Variants in PCDHGA9 observed in about 807,000 individuals in gnomAD.
The protein encoded by PCDHGA9 is protocadherin gamma subfamily A, 9, also known as protocadherin gamma-A9.
Under a neutral mutation model 62.5 loss-of-function variants are expected in PCDHGA9, and 37 were observed. The ratio of observed to expected loss-of-function variants is 0.59; its 90% confidence interval spans 0.46 to 0.78. The LOEUF (loss-of-function observed/expected upper bound fraction) is 0.78. Ranked by LOEUF, PCDHGA9 falls within the 30% of genes least tolerant of loss-of-function variation. PCDHGA9 has a pLI of 0.00. For missense variants in PCDHGA9, 1,138 were observed against 1,166.2 expected, an observed-to-expected ratio of 0.98 and a Z score of 0.35; for synonymous variants, 459 against 484.6, an observed-to-expected ratio of 0.95 and a Z score of 0.69.
chr5:141,481,871 G>T (rs372191396), intron 1 of PCDHGA9, among the ~76,000 whole-genome samples: 1 of 144,788 alleles, frequency 6.9e-6, no homozygotes, highest in Non-Finnish European at 1.5e-5. Context: ...CCGAGATCGC[G>T]CCACTGCACT....
Position 141,431,612 on chromosome 5 carries a change from G to T in PCDHGA9, c.2424+26236G>T, listed in dbSNP as rs79883194. 6.2e-7 allele frequency: 1 copy of T among 1,614,244 alleles called. No homozygotes were observed. The highest frequency in any genetic ancestry group is 2.2e-5 in the East Asian group (1 of 44,880). Reference sequence around the variant, plus strand: ...AGTGAGGTATTCCTTCCGGTATGTGGACGACAAGGCGGCCCAAGTTTTCAA... The same window carrying T: ...AGTGAGGTATTCCTTCCGGTATGTGTACGACAAGGCGGCCCAAGTTTTCAA... On this transcript the variant is annotated intron_variant, in intron 1 of 3. Transcript: ENST00000573521. The surrounding 1 kb of genome is among the most constrained non-coding windows in gnomAD (Gnocchi z 4.8).
chr5:141,431,008 C>T lies in PCDHGA9; in HGVS notation c.2424+25632C>T. The T allele has an allele frequency of 6.2e-7, 1 of 1,614,118 alleles. No individual in the cohort carries two copies. The highest frequency in any genetic ancestry group is 1.1e-5 in the South Asian group (1 of 91,076). ...TCGCCCTGAATCCGCGCAGCGGCAG[C>T]TTGGTCACGGCGGGCAGGATAGACC... On this transcript the variant is annotated intron_variant, in intron 1 of 3. Transcript: ENST00000573521. This position sits in a 1 kb window ranked among gnomAD's most constrained non-coding sequence, Gnocchi z 4.8.
At chr5:141,433,404 TATTA>T (rs142533293) in intron 1 of PCDHGA9, among the ~76,000 whole-genome samples, 252 of 146,310 alleles carry the variant, frequency 1.7e-3, no homozygotes, top group African/African-American at 6.2e-3. Context: ...TCTATCTATC[TATTA>T]CTTTCTTGTA....
Position 141,404,646 on chromosome 5 carries a change from C to G in PCDHGA9, c.1694C>G (p.Pro565Arg), listed in dbSNP as rs1461001534. 5 of 1,614,208 alleles carry G rather than the reference C, an allele frequency of 3.1e-6. No individual in the cohort carries two copies. The highest frequency in any genetic ancestry group is 3.4e-6 in the Non-Finnish European group (4 of 1,180,042). ...GACAATGCCCCAGAAATCCTGTACC[C>G]TGCCCTCCCCACTGATGGTTCTACT... ...QNDNAPEILY[P>R]ALPTDGSTGV... The change falls in exon 1 of 4, where the codon CCT becomes CGT. Residue 565 changes from proline (P) to arginine (R), a missense_variant. By Grantham distance (103) the Pro-to-Arg change is moderately radical. Transcript: ENST00000573521.
rs2097368013 is a variant in PCDHGA9 at position 141,431,382 on chromosome 5, A to G, written c.2424+26006A>G. 6 of 1,613,756 alleles carry G rather than the reference A, an allele frequency of 3.7e-6. No homozygotes were observed. In the East Asian group the frequency reaches 1.1e-4, roughly 30 times the overall value. On this transcript the variant is annotated intron_variant, in intron 1 of 3. Transcript: ENST00000573521. This position sits in a 1 kb window ranked among gnomAD's most constrained non-coding sequence, Gnocchi z 4.8. ...CTGGACCGCGAAGAAAAGGCTGCTC[A>G]CCACCTGGTCCTTACGGCCTCCGAC... is the stretch of plus-strand genomic sequence containing the variant.
At chr5:141,438,896 CCT>C (rs886177991) in intron 1 of PCDHGA9, among the ~76,000 whole-genome samples, 30 of 151,820 alleles carry the variant, frequency 2.0e-4, no homozygotes, top group Non-Finnish European at 7.4e-5. Context: ...GAACTCCTGA[CCT>C]CAGGTGATCC....
chr5:141,487,293 C>T lies in PCDHGA9; in HGVS notation c.2425-7514C>T. ...GCAATTTGCTTTGTCTCCTTTGGCT[C>T]ATTCGTGGCACTACTCTCTAAGTGT... is the stretch of plus-strand genomic sequence containing the variant. On this transcript the variant is annotated intron_variant, in intron 1 of 3. Transcript: ENST00000573521. The surrounding 1 kb of genome is among the most constrained non-coding windows in gnomAD (Gnocchi z 5.0). 1 of 1,614,148 alleles carries T rather than the reference C, an allele frequency of 6.2e-7. No individual in the cohort carries two copies. Among genetic ancestry groups the T allele is most frequent in the Non-Finnish European group, 8.5e-7 (1 of 1,180,010 alleles).
rs149553852 is a variant in PCDHGA9 at position 141,415,009 on chromosome 5, C to G, written c.2424+9633C>G. 3.1e-6 allele frequency: 5 copies of G among 1,613,544 alleles called. No homozygotes were observed. The East Asian group carries it at 1.1e-4, about 36-fold the overall frequency. On this transcript the variant is annotated intron_variant, in intron 1 of 3. Transcript: ENST00000573521. The stretch of plus-strand genomic sequence containing the variant: ...CCAGAACGCCTGGCTGTCCTACCGT[C>G]TGCTCAAGGCCAGCGAGCCGGGACT...
At chr5:141,470,025 A>T (rs2099219670) in intron 1 of PCDHGA9, among the ~76,000 whole-genome samples, 1 of 152,156 alleles carries the variant, frequency 6.6e-6, no homozygotes, top group African/African-American at 2.4e-5. Context: ...GCTACTCGGG[A>T]TGCTGAGGCG....
rs1368226100 is a variant in PCDHGA9, at chr5:141,511,268, C to T, written c.*95C>T. The stretch of plus-strand genomic sequence containing the variant: ...CAGGCCTCAGAGTTTCAGGGCTAAC[C>T]CCCAGAATACTGGTAGGGGCCAAGG... On this transcript the variant is annotated 3_prime_UTR_variant, in exon 4 of 4. Coordinates refer to ENST00000573521, the MANE Select transcript of PCDHGA9 (RefSeq NM_018921.3). 1.9e-6 allele frequency: 3 copies of T among 1,546,408 alleles called. No individual in the cohort carries two copies. The highest frequency in any genetic ancestry group is 2.4e-5 in the East Asian group (1 of 41,246).
chr5:141,475,550 TA>T (rs2099365126), intron 1 of PCDHGA9, among the ~76,000 whole-genome samples: 2 of 152,246 alleles, frequency 1.3e-5, no homozygotes, highest in Non-Finnish European at 2.9e-5. Context: ...AGGGTCCGGC[TA>T]ATTGTCTGTC....
chr5:141,503,181 A>C (rs532503504), intron 2 of PCDHGA9, among the ~76,000 whole-genome samples: 54 of 152,060 alleles, frequency 3.6e-4, no homozygotes, highest in African/African-American at 1.3e-3. Context: ...TCTATTGTGT[A>C]ATTATTTAAA....
At chr5:141,438,630 A>ATG (rs2098034686) in intron 1 of PCDHGA9, among the ~76,000 whole-genome samples, 1 of 38,920 alleles carries the variant, frequency 2.6e-5, no homozygotes, top group Non-Finnish European at 4.2e-5. Flanking sequence ...ATATATATAT[A>ATG]TATATACACA....
At chr5:141,501,333 A>C (rs200092587) in intron 2 of PCDHGA9, among the ~76,000 whole-genome samples, 397 of 140,104 alleles carry the variant, frequency 2.8e-3, no homozygotes, top group Non-Finnish European at 2.6e-3. Flanking sequence ...ACACACACAC[A>C]CCCCAAACTC....
chr5:141,496,932 T>G (rs1336402833), intron 2 of PCDHGA9, among the ~76,000 whole-genome samples: 1 of 148,964 alleles, frequency 6.7e-6, no homozygotes, highest in Non-Finnish European at 1.5e-5. Context: ...ACGCCTGTAA[T>G]CCCAGCACTT....
intron 1 of PCDHGA9, chr5:141,415,868 G>A: frequency 9.2e-7 from 1 of 1,090,360 alleles, no homozygotes; most frequent in Non-Finnish European, 1.2e-6. Flanking sequence ...TTATAGTGTT[G>A]TTGAGTACAA....
intron 1 of PCDHGA9, chr5:141,426,679 T>A (rs1008777231): frequency 9.3e-6 from 4 of 431,308 alleles, no homozygotes; most frequent in African/African-American, 2.0e-5. Context: ...CCACCTCATT[T>A]TCCCCAAAAT....
intron 1 of PCDHGA9, chr5:141,479,722 T>C (rs2099504690): frequency 6.6e-6 from 1 of 152,240 alleles, no homozygotes; most frequent in African/African-American, 2.4e-5. Context: ...CCAGCCTTAT[T>C]TTTCTTAAGT....
intron 1 of PCDHGA9, chr5:141,418,398 T>C (rs754177868): frequency 6.2e-7 from 1 of 1,613,842 alleles, no homozygotes; most frequent in South Asian, 1.1e-5. Flanking sequence ...TATTTCTCAT[T>C]GGTGGAGAAA....
Sources: allele counts gnomAD v4.1 joint callset (sites outside exome capture counted in the v4.1 genomes callset), GRCh38; gene constraint gnomAD v4.1.1; non-coding constraint Gnocchi (gnomAD v3.1); transcripts MANE v1.5; gene names NCBI Gene and HGNC (gene_info 2026-07-23, HGNC 2026-07-21).